Variants in KLRG1 observed in about 807,000 individuals in gnomAD.
KLRG1 encodes killer cell lectin-like receptor subfamily G member 1.
Under a neutral mutation model 21.8 loss-of-function variants are expected in KLRG1, and 16 were observed. The observed-to-expected ratio is 0.73, with a 90% CI of 0.50 to 1.11. The LOEUF (loss-of-function observed/expected upper bound fraction) is 1.11, where lower values mean the gene tolerates loss of function less well. KLRG1 is among the 50% of genes most tolerant of loss of function. KLRG1 has a pLI of 0.00. For missense variants in KLRG1, 173 were observed against 218.3 expected, an observed-to-expected ratio of 0.79 and a Z score of 1.31; for synonymous variants, 69 against 75.9, an observed-to-expected ratio of 0.91 and a Z score of 0.47.
chr12:9,123,599 A>T, the KLRG1 span, among the ~76,000 whole-genome samples: 1 of 152,178 alleles, frequency 6.6e-6, no homozygotes, highest in Admixed American at 6.5e-5. Flanking sequence ...TTATTTCTGG[A>T]ATTTTCCATT....
the KLRG1 span, chr12:9,101,540 T>C: frequency 1.2e-6 from 2 of 1,613,818 alleles, no homozygotes; most frequent in East Asian, 2.2e-5. Context: ...CACAGGGTAG[T>C]TCATGAGACA....
chr12:9,101,016 T>C, the KLRG1 span: 1 of 801,876 alleles, frequency 1.2e-6, no homozygotes, highest in Non-Finnish European at 2.0e-6. Context: ...TATTCATTCA[T>C]GTGACCAAAC....
the KLRG1 span, chr12:9,157,917 G>T: frequency 8.5e-7 from 1 of 1,172,370 alleles, no homozygotes; most frequent in South Asian, 1.3e-5. Context: ...TGATGGAAAC[G>T]CTCCTCAGTA....
At chr12:9,143,555 G>T in the KLRG1 span, among the ~76,000 whole-genome samples, 2 of 152,086 alleles carry the variant, frequency 1.3e-5, no homozygotes, top group African/African-American at 2.4e-5. Context: ...CATGAGGGGT[G>T]CAAGCTTGAC....
intron 1 of KLRG1, among the ~76,000 whole-genome samples, chr12:8,984,497 A>C (rs754987852): frequency 6.6e-6 from 1 of 152,074 alleles, no homozygotes; most frequent in East Asian, 1.9e-4. Flanking sequence ...CAAATTATCC[A>C]CCTGCCCCCG....
the KLRG1 span, chr12:9,099,249 A>G: frequency 1.2e-6 from 1 of 815,634 alleles, no homozygotes; most frequent in Non-Finnish European, 2.0e-6. Flanking sequence ...TGACTCTGCC[A>G]CTACCTTGCT....
At chr12:8,966,937 A>C (rs1450828649) in intron 1 of KLRG1, among the ~76,000 whole-genome samples, 12 of 148,498 alleles carry the variant, frequency 8.1e-5, no homozygotes, top group African/African-American at 3.0e-4. Flanking sequence ...AACCAACCCA[A>C]ATGTCCAACA....
chr12:9,171,422 C>T, the KLRG1 span, among the ~76,000 whole-genome samples: 23 of 152,294 alleles, frequency 1.5e-4, no homozygotes, highest in Non-Finnish European at 2.2e-4. Flanking sequence ...TCAAAAACAA[C>T]GAAAACTCAA....
At chr12:9,013,755 C>G (rs1947663122), downstream of KLRG1, among the ~76,000 whole-genome samples, 1 of 152,010 alleles carries the variant, frequency 6.6e-6, no homozygotes. Flanking sequence ...TACCTCCCAC[C>G]AGGTACCTCC....
At chr12:9,101,788 G>T in the KLRG1 span, 1 of 851,856 alleles carries the variant, frequency 1.2e-6, no homozygotes, top group Non-Finnish European at 1.8e-6. Context: ...GAAATCTTTT[G>T]TTCCACAATG....
the KLRG1 span, among the ~76,000 whole-genome samples, chr12:9,163,076 C>G: frequency 6.6e-6 from 1 of 151,844 alleles, no homozygotes; most frequent in Non-Finnish European, 1.5e-5. Context: ...ATTGAAGAAC[C>G]AGGGAGGGTG....
chr12:9,127,908 CG>C, the KLRG1 span: 1 of 338,342 alleles, frequency 3.0e-6, no homozygotes. Context: ...TGAAGACCTG[CG>C]GGACAAGATT....
chr12:9,141,372 C>G, the KLRG1 span, among the ~76,000 whole-genome samples: 2 of 152,098 alleles, frequency 1.3e-5, no homozygotes, highest in African/African-American at 4.8e-5. Flanking sequence ...TTTAATAGAA[C>G]CTTGTAGATA....
At chr12:9,206,411 C>T in the KLRG1 span, among the ~76,000 whole-genome samples, 4 of 151,972 alleles carry the variant, frequency 2.6e-5, no homozygotes, top group Non-Finnish European at 2.9e-5. Context: ...CAGAACAAAT[C>T]CAGGTTGACA....
the KLRG1 span, among the ~76,000 whole-genome samples, chr12:9,092,605 C>G: frequency 0.56 from 85,327 of 152,070 alleles, 25,568 homozygotes; most frequent in African/African-American, 0.76. Flanking sequence ...GCTTGTTTCA[C>G]GGATAAAACT....
the KLRG1 span, chr12:9,072,373 G>A: frequency 6.2e-7 from 1 of 1,613,960 alleles, no homozygotes; most frequent in South Asian, 1.1e-5. Context: ...CACTTAGGGA[G>A]ATTTGGAAGC....
chr12:9,121,445 G>A, the KLRG1 span, among the ~76,000 whole-genome samples: 3 of 152,140 alleles, frequency 2.0e-5, no homozygotes, highest in African/African-American at 4.8e-5. The surrounding 1 kb of genome is among the most constrained non-coding windows in gnomAD (Gnocchi z 4.4). Flanking sequence ...GGAGACTGAT[G>A]CACGAGAATC....
chr12:9,157,207 A>G, the KLRG1 span: 1 of 1,614,030 alleles, frequency 6.2e-7, no homozygotes, highest in Non-Finnish European at 8.5e-7. Context: ...AAGTGAGTTC[A>G]GTATTTCTCT....
chr12:9,124,383 A>G, the KLRG1 span, among the ~76,000 whole-genome samples: 2 of 152,080 alleles, frequency 1.3e-5, no homozygotes, highest in African/African-American at 2.4e-5. Flanking sequence ...TCTATGGAGC[A>G]GGTAGGAGCC....
Sources: gnomAD v4.1 joint callset for allele counts (sites outside exome capture counted in the v4.1 genomes callset) on GRCh38, gnomAD v4.1.1 for gene constraint, Gnocchi (gnomAD v3.1) non-coding constraint, MANE v1.5 for transcripts, NCBI Gene and HGNC (gene_info 2026-07-23, HGNC 2026-07-21) for gene names.